SLC38A1: variants seen among roughly 807,000 people sequenced by gnomAD.
The protein encoded by SLC38A1 is solute carrier family 38 member 1, also known as sodium-coupled neutral amino acid symporter 1.
In SLC38A1, 18 loss-of-function variants were observed where a neutral mutation model predicts 60.3. The observed-to-expected ratio is 0.30, with a 90% CI of 0.21 to 0.44. The LOEUF is 0.44. Ranked by LOEUF, SLC38A1 falls within the 20% of genes least tolerant of loss-of-function variation. The probability of loss-of-function intolerance (pLI) is 1.00; values close to 1 mark genes in which losing one functional copy is unlikely to be tolerated. For synonymous variants in SLC38A1, 196 were observed against 212.1 expected, an observed-to-expected ratio of 0.92 and a Z score of 0.66; for missense variants, 448 against 587.2, an observed-to-expected ratio of 0.76 and a Z score of 2.45.
At chr12:46,193,535 A>C (rs1215217867) in intron 16 of SLC38A1, among the ~76,000 whole-genome samples, 1 of 152,158 alleles carries the variant, frequency 6.6e-6, no homozygotes, top group Admixed American at 6.5e-5. Context: ...GTGGGGTGTT[A>C]AAATCTCCCA....
At chr12:46,212,873 G>C (rs556747722) in intron 5 of SLC38A1, among the ~76,000 whole-genome samples, 5 of 152,332 alleles carry the variant, frequency 3.3e-5, no homozygotes, top group Admixed American at 3.3e-4. Context: ...CTGAGGCTCA[G>C]CTGAAATCAC....
At chr12:46,240,353 C>T (rs1359451683) in intron 2 of SLC38A1, among the ~76,000 whole-genome samples, 3 of 152,130 alleles carry the variant, frequency 2.0e-5, no homozygotes, top group East Asian at 3.9e-4. Context: ...TGCGCCACCA[C>T]GCCTGGCAAA....
At position 46,197,836 on chromosome 12, in the gene SLC38A1, G is replaced by C; in HGVS notation, c.1265-19C>G. On this transcript the variant is annotated intron_variant, in intron 15 of 16. Coordinates refer to ENST00000398637, the MANE Select transcript of SLC38A1 (RefSeq NM_030674.4). ...GTAACTCCTGTAAAATAAGACAAAA[G>C]AGAAAGTTTAGCATTGCTATTGTGA... The C allele has an allele frequency of 6.3e-7, 1 of 1,597,048 alleles. No homozygotes were observed. The highest frequency in any genetic ancestry group is 8.5e-7 in the Non-Finnish European group (1 of 1,173,186).
At chr12:46,225,531 C>T (rs907420780) in intron 5 of SLC38A1, among the ~76,000 whole-genome samples, 3 of 152,016 alleles carry the variant, frequency 2.0e-5, no homozygotes, top group Non-Finnish European at 2.9e-5. Flanking sequence ...AGAAAGATGG[C>T]GGTGAGGTCT....
intron 3 of SLC38A1, among the ~76,000 whole-genome samples, chr12:46,234,189 T>G (rs1226132568): frequency 6.6e-6 from 1 of 152,232 alleles, no homozygotes; most frequent in Non-Finnish European, 1.5e-5. Flanking sequence ...GAACTCATCT[T>G]GAATTGTGGT....
intron 1 of SLC38A1, among the ~76,000 whole-genome samples, chr12:46,245,570 A>G (rs1428374088): frequency 6.6e-6 from 1 of 152,200 alleles, no homozygotes; most frequent in Admixed American, 6.5e-5. Context: ...AACAAAATTA[A>G]AAGTAGAACT....
At chr12:46,196,163 C>A (rs1939366202) in intron 16 of SLC38A1, 1 of 1,535,904 alleles carries the variant, frequency 6.5e-7, no homozygotes, top group African/African-American at 1.4e-5. Context: ...CCAGAGAACA[C>A]AAGATTATAA....
At chr12:46,264,277 G>A (rs183049566) in intron 1 of SLC38A1, among the ~76,000 whole-genome samples, 101 of 152,292 alleles carry the variant, frequency 6.6e-4, no homozygotes, top group African/African-American at 2.3e-3. Flanking sequence ...TCTGAGGTAC[G>A]CAGCACTGAT....
chr12:46,259,782 C>T lies in SLC38A1; in HGVS notation c.-209+8744G>A, dbSNP rs1036539339. ...TGCTAGGACCTTGTTTCTCTACTTC[C>T]TCTCTCTGCCTTCCCTTCTTGACAT... is the stretch of plus-strand genomic sequence containing the variant. On this transcript the variant is annotated intron_variant, in intron 1 of 16. Coordinates refer to ENST00000398637, the MANE Select transcript of SLC38A1 (RefSeq NM_030674.4). Among the ~76,000 whole-genome samples, 3 of 152,136 alleles carry T rather than the reference C, an allele frequency of 2.0e-5. 1 individual carries two copies. The highest frequency in any genetic ancestry group is 4.4e-5 in the Non-Finnish European group (3 of 68,012).
At chr12:46,200,952 T>G in intron 13 of SLC38A1, 146 bp downstream of exon 13, 1 of 626,170 alleles carries the variant, frequency 1.6e-6, no homozygotes, top group South Asian at 2.0e-5. Context: ...AAGATCACCA[T>G]TGCTTTAAGT....
At chr12:46,248,401 A>G (rs1414229046) in intron 1 of SLC38A1, among the ~76,000 whole-genome samples, 1 of 152,240 alleles carries the variant, frequency 6.6e-6, no homozygotes, top group Non-Finnish European at 1.5e-5. Context: ...CTCTGATAAA[A>G]CAGACTTTAA....
intron 5 of SLC38A1, among the ~76,000 whole-genome samples, chr12:46,214,244 G>T (rs11183397): frequency 0.2 from 30,744 of 152,062 alleles, 5,482 homozygotes; most frequent in African/African-American, 0.46. Flanking sequence ...AGATTCCTGA[G>T]AGTATCTTAG....
At chr12:46,259,248 T>C (rs377707205) in intron 1 of SLC38A1, among the ~76,000 whole-genome samples, 12 of 151,864 alleles carry the variant, frequency 7.9e-5, no homozygotes, top group African/African-American at 2.9e-4. Context: ...TAACTGACTG[T>C]GTCTGTTTAC....
intron 5 of SLC38A1, among the ~76,000 whole-genome samples, chr12:46,221,560 A>C (rs1301143737): frequency 1.3e-5 from 2 of 152,196 alleles, no homozygotes; most frequent in African/African-American, 4.8e-5. Context: ...ACAATAATGA[A>C]AGCCACTGTT....
chr12:46,189,219 C>A, intron 16 of SLC38A1, 148 bp from the exon 17 acceptor site: 1 of 570,550 alleles, frequency 1.8e-6, no homozygotes, highest in Non-Finnish European at 3.1e-6. Flanking sequence ...CTGTGAGAAT[C>A]TTTCTAAAAT....
intron 1 of SLC38A1, among the ~76,000 whole-genome samples, chr12:46,248,326 T>C (rs142971656): frequency 1.1e-4 from 17 of 151,978 alleles, no homozygotes; most frequent in African/African-American, 3.9e-4. Context: ...GCTCAAAATA[T>C]AGGGATGGAG....
At chr12:46,246,968 C>A (rs2138517093) in intron 1 of SLC38A1, among the ~76,000 whole-genome samples, 1 of 152,308 alleles carries the variant, frequency 6.6e-6, no homozygotes, top group African/African-American at 2.4e-5. Flanking sequence ...AACTAATAAA[C>A]AGAGGGGAAT....
chr12:46,260,818 C>T (rs965276752), intron 1 of SLC38A1, among the ~76,000 whole-genome samples: 20 of 152,306 alleles, frequency 1.3e-4, no homozygotes, highest in South Asian at 8.3e-4. Flanking sequence ...TACAGTTTCA[C>T]AGCCTGAACT....
chr12:46,198,887 A>C (rs1488183835), intron 13 of SLC38A1, 144 bp from the exon 14 acceptor site: 1 of 610,466 alleles, frequency 1.6e-6, no homozygotes, highest in Non-Finnish European at 2.9e-6. Flanking sequence ...ATCAGGTTGG[A>C]AAGAAAAATC....
Sources: allele counts gnomAD v4.1 joint callset (sites outside exome capture counted in the v4.1 genomes callset), GRCh38; gene constraint gnomAD v4.1.1; transcripts MANE v1.5; gene names NCBI Gene and HGNC (gene_info 2026-07-23, HGNC 2026-07-21).